The following ARHGAP42 variants were observed in gnomAD, a reference collection of about 807,000 sequenced individuals.
ARHGAP42 encodes the protein Rho GTPase activating protein 42.
ARHGAP42 carries 63 observed loss-of-function variants against 125.0 expected under a neutral mutation model. The ratio of observed to expected loss-of-function variants is 0.50; its 90% CI spans 0.41 to 0.62. ARHGAP42 has a LOEUF of 0.62. Ranked by LOEUF, ARHGAP42 falls within the 20% of genes least tolerant of loss-of-function variation. ARHGAP42 has a pLI of 0.00. For missense variants in ARHGAP42, 766 were observed against 1,024.2 expected (o/e 0.75, Z 3.44); for synonymous variants, 339 against 351.0 (o/e 0.97, Z 0.38).
intron 3 of ARHGAP42, among the ~76,000 whole-genome samples, chr11:100,815,280 C>T (rs1864242542): frequency 6.6e-6 from 1 of 152,170 alleles, no homozygotes; most frequent in Non-Finnish European, 1.5e-5. Context: ...TATACATCTA[C>T]TCTTTCATTA....
chr11:100,777,551 G>A (rs1344270302), intron 2 of ARHGAP42, among the ~76,000 whole-genome samples: 2 of 152,194 alleles, frequency 1.3e-5, no homozygotes, highest in Non-Finnish European at 2.9e-5. Context: ...TTTCCCAAAT[G>A]AGAAATAGGA....
At chr11:100,895,239 A>G (rs1305027198) in intron 4 of ARHGAP42, among the ~76,000 whole-genome samples, 5 of 152,132 alleles carry the variant, frequency 3.3e-5, no homozygotes, top group African/African-American at 9.7e-5. Flanking sequence ...TCATTCATTC[A>G]TTCATTCACC....
chr11:100,811,769 G>A (rs992779871), intron 3 of ARHGAP42, among the ~76,000 whole-genome samples: 17 of 152,122 alleles, frequency 1.1e-4, no homozygotes, highest in African/African-American at 4.1e-4. Flanking sequence ...CAAAGTGCTG[G>A]GATTATAGGC....
intron 2 of ARHGAP42, among the ~76,000 whole-genome samples, chr11:100,781,999 C>A (rs1431516254): frequency 6.6e-6 from 1 of 151,566 alleles, no homozygotes; most frequent in Admixed American, 6.6e-5. Flanking sequence ...TGTCCTCCCA[C>A]CCTGGATCAT....
intron 6 of ARHGAP42, among the ~76,000 whole-genome samples, chr11:100,924,243 G>A (rs982942359): frequency 1.2e-4 from 19 of 152,052 alleles, no homozygotes; most frequent in African/African-American, 4.4e-4. Flanking sequence ...ATGAACAGGG[G>A]ATAGTGATTC....
chr11:100,884,609 T>G (rs1367848529), intron 4 of ARHGAP42, among the ~76,000 whole-genome samples: 1 of 152,192 alleles, frequency 6.6e-6, no homozygotes, highest in Non-Finnish European at 1.5e-5. Flanking sequence ...AATATCATTG[T>G]TGACGCAAAG....
At chr11:100,735,497 C>A (rs1695118209) in intron 1 of ARHGAP42, among the ~76,000 whole-genome samples, 1 of 150,022 alleles carries the variant, frequency 6.7e-6, no homozygotes, top group Non-Finnish European at 1.5e-5. Flanking sequence ...TTTAAGTCAT[C>A]TTCTTTCTTT....
intron 22 of ARHGAP42, among the ~76,000 whole-genome samples, chr11:100,984,512 G>A (rs1397848147): frequency 6.6e-6 from 1 of 151,656 alleles, no homozygotes. Context: ...TGTTCAAAAG[G>A]CCTCCTGAAG....
intron 10 of ARHGAP42, among the ~76,000 whole-genome samples, chr11:100,944,798 T>C (rs1158488262): frequency 6.8e-6 from 1 of 148,014 alleles, no homozygotes; most frequent in African/African-American, 2.6e-5. Flanking sequence ...TAGTGAGTAG[T>C]AATTTTTTTG....
In ARHGAP42 at chr11:100,992,352, G is replaced by T. The variant is rs200325839; in HGVS notation, c.*3551G>T. On this transcript the variant is annotated 3_prime_UTR_variant, in exon 24 of 24. Transcript: ENST00000298815. ...GTAGGACCCGGAAATCACATCTCCT[G>T]GTCAGGTCACGAAAAAGAACACAGG... 2.5e-5 allele frequency: 41 copies of T among 1,613,012 alleles called. No homozygotes were observed. The highest frequency in any genetic ancestry group is 3.3e-5 in the Non-Finnish European group (39 of 1,179,564).
rs148835503 is a variant in ARHGAP42, at chr11:100,754,290, A to G, written c.155-16053A>G. Among the ~76,000 whole-genome samples, 1,013 of 152,352 alleles carry G rather than the reference A, an allele frequency of 6.6e-3. 20 individuals are homozygous for G. The highest frequency in any genetic ancestry group is 0.023 in the African/African-American group (960 of 41,576). On this transcript the variant is annotated intron_variant, in intron 1 of 23. Coordinates refer to ENST00000298815, the MANE Select transcript of ARHGAP42 (RefSeq NM_152432.4). ...GAACACTGCTAGATTGTGGAGGAAC[A>G]TTAAAGAAATCTTTCTCAATTTGGA...
intron 3 of ARHGAP42, among the ~76,000 whole-genome samples, chr11:100,851,957 C>T (rs1865213872): frequency 1.3e-5 from 2 of 152,150 alleles, no homozygotes; most frequent in Admixed American, 1.3e-4. Context: ...GTCACTTACC[C>T]AGTGCAGGTT....
At chr11:100,958,885 C>T (rs1857880391) in intron 12 of ARHGAP42, among the ~76,000 whole-genome samples, 1 of 151,162 alleles carries the variant, frequency 6.6e-6, no homozygotes, top group Non-Finnish European at 1.5e-5. Context: ...GAATTTTTTT[C>T]AGTTTTTAGT....
At chr11:100,767,305 G>A (rs191420978) in intron 1 of ARHGAP42, among the ~76,000 whole-genome samples, 3 of 152,104 alleles carry the variant, frequency 2.0e-5, no homozygotes, top group African/African-American at 4.8e-5. Context: ...GGGATACTGA[G>A]GTACAGAGAG....
intron 10 of ARHGAP42, among the ~76,000 whole-genome samples, chr11:100,946,368 T>C (rs533933372): frequency 6.6e-6 from 1 of 152,180 alleles, no homozygotes; most frequent in South Asian, 2.1e-4. Flanking sequence ...TAATTTCCTT[T>C]AATAATTTTT....
chr11:100,909,922 A>G (rs1210254423), intron 4 of ARHGAP42, among the ~76,000 whole-genome samples: 1 of 152,198 alleles, frequency 6.6e-6, no homozygotes, highest in East Asian at 1.9e-4. Context: ...ATTAATACAA[A>G]CCATAATTTT....
At chr11:100,958,543 A>C (rs560648766) in intron 12 of ARHGAP42, among the ~76,000 whole-genome samples, 109 of 152,088 alleles carry the variant, frequency 7.2e-4, no homozygotes, top group African/African-American at 2.6e-3. Flanking sequence ...ATATATATAC[A>C]CACATATATA....
intron 4 of ARHGAP42, among the ~76,000 whole-genome samples, chr11:100,900,936 C>T (rs531027883): frequency 7.9e-5 from 12 of 152,196 alleles, no homozygotes; most frequent in Middle Eastern, 6.8e-3. Context: ...CCATTGCTGA[C>T]GAGGAGCTGC....
rs145812626 is a variant in ARHGAP42, at chr11:100,774,787, T to C, written c.250+4349T>C. On this transcript the variant is annotated intron_variant, in intron 2 of 23. Coordinates refer to ENST00000298815, the MANE Select transcript of ARHGAP42 (RefSeq NM_152432.4). ...AGTTGTTCTGGGAGGGTGTTTGATGTGTAGGCCCATGTCTGGCCTGTACAT... is the reference window on the plus strand; with the variant it reads ...AGTTGTTCTGGGAGGGTGTTTGATGCGTAGGCCCATGTCTGGCCTGTACAT... Among the ~76,000 whole-genome samples, 142 of 152,330 alleles carry C rather than the reference T, an allele frequency of 9.3e-4. 1 individual carries two copies. Among genetic ancestry groups the C allele is most frequent in the Non-Finnish European group, 1.5e-3 (103 of 68,030 alleles).
Sources: allele counts gnomAD v4.1 joint callset (sites outside exome capture counted in the v4.1 genomes callset), GRCh38; gene constraint gnomAD v4.1.1; transcripts MANE v1.5; gene names NCBI Gene and HGNC (gene_info 2026-07-23, HGNC 2026-07-21).